MSN: variants seen among roughly 807,000 people sequenced by gnomAD.
MSN encodes epididymis luminal protein 70.
MSN carries 2 observed loss-of-function variants against 48.0 expected under a neutral mutation model. The observed-to-expected ratio is 0.04, with a 90% CI of 0.02 to 0.13. MSN has a LOEUF of 0.13. Among genes scored for constraint, MSN ranks in the 10% least tolerant of loss-of-function variants. The pLI is 1.00. For synonymous variants in MSN, 146 were observed against 166.9 expected (o/e 0.87, Z 0.97); for missense variants, 267 against 470.1 (o/e 0.57, Z 3.99).
At chrX:65,622,517 T>G (rs769465798) in intron 1 of MSN, among the ~76,000 whole-genome samples, 114 of 100,477 alleles carry the variant, frequency 1.1e-3, no homozygotes, top group African/African-American at 3.5e-3. Flanking sequence ...TTTGTTTTTT[T>G]TTTTTTTTTT....
Position 65,739,722 on chromosome X carries a change from C to A in MSN, c.1570-7C>A, listed in dbSNP as rs1379690706. 8.3e-7 allele frequency: 1 copy of A among 1,203,243 alleles called. No individual in the cohort carries two copies. Among genetic ancestry groups the A allele is most frequent in the Admixed American group, 2.2e-5 (1 of 44,780 alleles). ...ATTGACCTCTGTGTTCCCATACATC[C>A]TCACAGGCCCTCACTTCGGAGCTGG... is the stretch of plus-strand genomic sequence containing the variant. On this transcript the variant is annotated splice_region_variant and splice_polypyrimidine_tract_variant and intron_variant, in intron 12 of 12. Transcript: ENST00000360270.
rs1415696564 is a variant in MSN, at chrX:65,619,495, C to T, written c.-22+30883C>T. On this transcript the variant is annotated intron_variant, in intron 1 of 3. Transcript: ENST00000609672. ...GCTGATACCCTTTCTTCCAGTTGATCGCATCGGCTCCTGAGGCTTCTGCAT... is the reference window on the plus strand; with the variant it reads ...GCTGATACCCTTTCTTCCAGTTGATTGCATCGGCTCCTGAGGCTTCTGCAT... Among the ~76,000 whole-genome samples, 20 of 99,213 alleles carry T rather than the reference C, an allele frequency of 2.0e-4. 3 individuals are homozygous for T. Among genetic ancestry groups the T allele is most frequent in the African/African-American group, 7.8e-4 (15 of 19,245 alleles). The allele number at this position is 99,213 out of a possible 115,157, so 86.2% of individuals were successfully genotyped here. A position where few individuals can be genotyped will look rare whatever the true frequency, so the allele number is the denominator to read the frequency against.
intron 1 of MSN, among the ~76,000 whole-genome samples, chrX:65,623,841 T>C (rs748915964): frequency 3.6e-5 from 4 of 109,593 alleles, no homozygotes; most frequent in Non-Finnish European, 5.7e-5. Flanking sequence ...TTGGAATTTA[T>C]AAGTGAAATC....
intron 7 of MSN, among the ~76,000 whole-genome samples, chrX:65,734,379 T>C (rs2071654310): frequency 9.0e-6 from 1 of 111,677 alleles, no homozygotes; most frequent in African/African-American, 3.3e-5. Flanking sequence ...CATGGTCAGG[T>C]AGGTACTAAG....
intron 1 of MSN, chrX:65,625,773 A>T (rs1411381171): frequency 9.0e-6 from 1 of 111,342 alleles, no homozygotes. Context: ...TAAAGTGATT[A>T]CTGATATGGA....
rs765630273 is a variant in MSN, at chrX:65,718,728, G to A, written c.96+1827G>A. Among the ~76,000 whole-genome samples the A allele has an allele frequency of 1.8e-3, 197 of 107,788 alleles. 1 individual carries two copies. The highest frequency in any genetic ancestry group is 8.5e-3 in the South Asian group (21 of 2,466). 93.6% of individuals were successfully genotyped at this position (107,788 alleles called of 115,157 possible). A position where few individuals can be genotyped will look rare whatever the true frequency, so the allele number is the denominator to read the frequency against. ...AGCTACTCAGGAGATTGTGCCAGGA[G>A]GGTTGCTCAAGCCCAGGAGTTCAAG... On this transcript the variant is annotated intron_variant, in intron 2 of 12. Coordinates refer to ENST00000360270, the MANE Select transcript of MSN (RefSeq NM_002444.3).
intron 1 of MSN, among the ~76,000 whole-genome samples, chrX:65,650,841 T>C (rs2070737100): frequency 8.9e-6 from 1 of 111,782 alleles, no homozygotes; most frequent in Admixed American, 9.5e-5. Context: ...AGAATAAATT[T>C]CCTTGTCTTT....
chrX:65,610,259 A>G (rs1004696198), intron 1 of MSN, among the ~76,000 whole-genome samples: 1 of 110,557 alleles, frequency 9.0e-6, no homozygotes, highest in Non-Finnish European at 1.9e-5. Context: ...ATAACTTCCT[A>G]CTCCCTGCCT....
chrX:65,685,998 A>T (rs2071111688), intron 1 of MSN, among the ~76,000 whole-genome samples: 1 of 112,723 alleles, frequency 8.9e-6, no homozygotes, highest in East Asian at 2.8e-4. Flanking sequence ...GAGAAGCTAG[A>T]TTAGAATCCC....
At chrX:65,620,449 C>T (rs903059806) in intron 1 of MSN, among the ~76,000 whole-genome samples, 2 of 113,914 alleles carry the variant, frequency 1.8e-5, no homozygotes, top group African/African-American at 6.3e-5. Flanking sequence ...GCGCAGTATT[C>T]GGGTGGGAGT....
At chrX:65,618,088 C>A (rs1362720986) in intron 1 of MSN, among the ~76,000 whole-genome samples, 1 of 111,626 alleles carries the variant, frequency 9.0e-6, no homozygotes, top group African/African-American at 3.3e-5. Context: ...GTTATAATTT[C>A]TGTTCTTTTA....
chrX:65,622,662 G>A (rs2070461981), intron 1 of MSN, among the ~76,000 whole-genome samples: 1 of 108,802 alleles, frequency 9.2e-6, no homozygotes, highest in Admixed American at 9.9e-5. Context: ...GATTACAGGT[G>A]CACACCCCTA....
rs750995597 is a variant in MSN at position 65,724,988 on chromosome X, AT to A, written c.97-2822del. 2.1e-4 allele frequency among the ~76,000 whole-genome samples: 23 copies of A among 111,905 alleles called. No homozygotes were observed. In the South Asian group the frequency reaches 8.5e-3, roughly 41 times the overall value. ...AAGCGTGAGCCAACACGCCCAGCCC[AT>A]TTTATGTTCTTATAATAAAATACCT... On this transcript the variant is annotated intron_variant, in intron 2 of 12. Coordinates refer to ENST00000360270, the MANE Select transcript of MSN (RefSeq NM_002444.3).
At chrX:65,716,997 T>C in intron 2 of MSN, 96 bp downstream of exon 2, 12 of 770,178 alleles carry the variant, frequency 1.6e-5, no homozygotes, top group Non-Finnish European at 2.4e-5. Context: ...AAAGAATCTC[T>C]CTTCCTGTTC....
At chrX:65,664,181 G>A (rs1479408682), upstream of MSN, among the ~76,000 whole-genome samples, 1 of 111,836 alleles carries the variant, frequency 8.9e-6, no homozygotes, top group Non-Finnish European at 1.9e-5. Flanking sequence ...CAACATGGAT[G>A]GAACAGGAGG....
At chrX:65,730,397 A>G (rs1014032196) in intron 4 of MSN, among the ~76,000 whole-genome samples, 3 of 111,213 alleles carry the variant, frequency 2.7e-5, no homozygotes, top group African/African-American at 9.8e-5. Flanking sequence ...ACTATACCCA[A>G]TGGCCATTTC....
chrX:65,701,343 A>T (rs1455169684), intron 1 of MSN, among the ~76,000 whole-genome samples: 2 of 111,456 alleles, frequency 1.8e-5, no homozygotes, highest in African/African-American at 6.5e-5. Context: ...GTAATTTCAA[A>T]GTCTCCTCCT....
intron 1 of MSN, among the ~76,000 whole-genome samples, chrX:65,606,492 G>A (rs1056847381): frequency 1.8e-5 from 2 of 110,819 alleles, no homozygotes; most frequent in Non-Finnish European, 3.8e-5. Flanking sequence ...GTACAATCTC[G>A]GCTCACTGCA....
chrX:65,621,372 C>T (rs377305889), intron 1 of MSN, among the ~76,000 whole-genome samples: 1 of 112,090 alleles, frequency 8.9e-6, no homozygotes, highest in East Asian at 2.8e-4. Context: ...GCTATTCTTT[C>T]CCCCAGTGAA....
Sources: allele counts gnomAD v4.1 joint callset (sites outside exome capture counted in the v4.1 genomes callset), GRCh38; gene constraint gnomAD v4.1.1; transcripts MANE v1.5; gene names NCBI Gene and HGNC (gene_info 2026-07-23, HGNC 2026-07-21).